Variants in NBAS observed in about 807,000 individuals in gnomAD.
NBAS encodes NBAS subunit of NRZ tethering complex.
In NBAS, 219 loss-of-function variants were observed where a neutral mutation model predicts 302.5. The ratio of observed to expected loss-of-function variants is 0.72; its 90% CI spans 0.65 to 0.81. NBAS has a LOEUF of 0.81. Among genes scored for constraint, NBAS ranks in the 30% least tolerant of loss-of-function variants. The probability of loss-of-function intolerance (pLI) is 0.00; values close to 1 mark genes in which losing one functional copy is unlikely to be tolerated. For missense variants in NBAS, 2,932 were observed against 2,841.6 expected (o/e 1.03, Z -0.72); for synonymous variants, 1,118 against 1,021.6 (o/e 1.09, Z -1.80).
the NBAS span, among the ~76,000 whole-genome samples, chr2:15,049,497 T>A: frequency 6.6e-6 from 1 of 152,128 alleles, no homozygotes; most frequent in Non-Finnish European, 1.5e-5. Flanking sequence ...TCTGAGCTCT[T>A]GATAGGGAGA....
chr2:15,486,267 A>G (rs1347240479), intron 12 of NBAS, among the ~76,000 whole-genome samples: 1 of 152,194 alleles, frequency 6.6e-6, no homozygotes, highest in Non-Finnish European at 1.5e-5. Context: ...CTATTTTTCC[A>G]GTTTACTCAG....
At chr2:14,869,758 A>G in the NBAS span, among the ~76,000 whole-genome samples, 1 of 152,072 alleles carries the variant, frequency 6.6e-6, no homozygotes, top group Non-Finnish European at 1.5e-5. Context: ...TCCATTTACC[A>G]CCAAAACTAG....
At chr2:14,806,419 T>C in the NBAS span, among the ~76,000 whole-genome samples, 3 of 152,234 alleles carry the variant, frequency 2.0e-5, no homozygotes, top group Non-Finnish European at 2.9e-5. Context: ...AATTTTTCAA[T>C]GTTTCTATCC....
At chr2:15,067,418 A>AGG in the NBAS span, among the ~76,000 whole-genome samples, 1 of 13,396 alleles carries the variant, frequency 7.5e-5, no homozygotes, top group African/African-American at 4.2e-4. Flanking sequence ...GGGAGGGGAG[A>AGG]GGAGGGGAGA....
chr2:15,150,902 AT>A, the NBAS span, among the ~76,000 whole-genome samples: 1 of 152,178 alleles, frequency 6.6e-6, no homozygotes, highest in South Asian at 2.1e-4. Context: ...TTACATTCAG[AT>A]TTCTTGTTTG....
chr2:14,799,848 G>T, the NBAS span, among the ~76,000 whole-genome samples: 1 of 152,088 alleles, frequency 6.6e-6, no homozygotes, highest in East Asian at 1.9e-4. Context: ...CTGAATTGTA[G>T]TTTGTCTGAT....
At chr2:15,149,271 C>A in the NBAS span, among the ~76,000 whole-genome samples, 1 of 152,216 alleles carries the variant, frequency 6.6e-6, no homozygotes, top group Non-Finnish European at 1.5e-5. Context: ...CGCTTTCCAC[C>A]ATAAAATGAC....
chr2:15,149,668 G>A, the NBAS span, among the ~76,000 whole-genome samples: 2 of 151,928 alleles, frequency 1.3e-5, no homozygotes, highest in African/African-American at 4.8e-5. Context: ...TGTATTTTTG[G>A]TAGAAACAGG....
At chr2:15,168,881 G>C (rs1664157684) in intron 51 of NBAS, among the ~76,000 whole-genome samples, 1 of 152,152 alleles carries the variant, frequency 6.6e-6, no homozygotes, top group Non-Finnish European at 1.5e-5. Flanking sequence ...CACTCACTTT[G>C]GCCTCCCAAA....
intron 23 of NBAS, among the ~76,000 whole-genome samples, 200 bp from the exon 24 acceptor site, chr2:15,417,912 TCAAA>T (rs1179594333): frequency 1.3e-5 from 2 of 152,122 alleles, no homozygotes; most frequent in Non-Finnish European, 2.9e-5. Flanking sequence ...TTCAAAGGAA[TCAAA>T]CAATCAGCAA....
rs115269744 is a variant in NBAS, at chr2:15,404,810, G to T, written c.2938-2509C>A. Among the ~76,000 whole-genome samples the T allele has an allele frequency of 5.0e-3, 758 of 152,112 alleles. 8 individuals are homozygous for T. Among genetic ancestry groups the T allele is most frequent in the African/African-American group, 0.018 (736 of 41,486 alleles). ...TTACAGGCATGAGCCACTGCGCCCGGCCCTAAAGAACCACTTTTACATTCA... is the reference window on the plus strand; with the variant it reads ...TTACAGGCATGAGCCACTGCGCCCGTCCCTAAAGAACCACTTTTACATTCA... On this transcript the variant is annotated intron_variant, in intron 25 of 51. Coordinates refer to ENST00000281513, the MANE Select transcript of NBAS (RefSeq NM_015909.4).
chr2:15,401,528 A>G (rs1248523850), intron 26 of NBAS, among the ~76,000 whole-genome samples: 1 of 152,096 alleles, frequency 6.6e-6, no homozygotes, highest in Admixed American at 6.6e-5. Flanking sequence ...TAAAAGTTTA[A>G]AACAGGTCTG....
At chr2:15,081,339 C>T in the NBAS span, among the ~76,000 whole-genome samples, 2 of 152,104 alleles carry the variant, frequency 1.3e-5, no homozygotes, top group African/African-American at 2.4e-5. Flanking sequence ...ATGCCCAAGA[C>T]GGTGTGCTCA....
chr2:14,968,380 A>G, the NBAS span, among the ~76,000 whole-genome samples: 1 of 152,172 alleles, frequency 6.6e-6, no homozygotes, highest in Admixed American at 6.5e-5. Flanking sequence ...CAACAACTTC[A>G]TATGCCCCTG....
chr2:15,308,562 C>T (rs1037638341), intron 39 of NBAS, among the ~76,000 whole-genome samples: 2 of 152,068 alleles, frequency 1.3e-5, no homozygotes, highest in African/African-American at 4.8e-5. Context: ...ATGTAAAGAT[C>T]GACATTTAAG....
At chr2:15,322,473 G>A (rs1671856680) in intron 38 of NBAS, among the ~76,000 whole-genome samples, 1 of 152,094 alleles carries the variant, frequency 6.6e-6, no homozygotes, top group African/African-American at 2.4e-5. Context: ...TGCAAAGTAA[G>A]TGCCTCTGGA....
Position 15,475,736 on chromosome 2 carries a change from G to A in NBAS, c.1292C>T (p.Pro431Leu), listed in dbSNP as rs1472039253. 1 of 1,614,092 alleles carries A rather than the reference G, an allele frequency of 6.2e-7. No homozygotes were observed. The highest frequency in any genetic ancestry group is 1.1e-5 in the South Asian group (1 of 91,072). The part of the protein sequence containing the change: ...LLGKSCEWFE[P>L]SPQVTATHDG... ...ATGGGTAGCAGTGACTTGAGGTGAT[G>A]GTTCAAACCATTCACAGGATTTTCC... The change falls in exon 14 of 52, where the codon CCA becomes CTA. Residue 431 changes from proline (P) to leucine (L), a missense_variant. Physicochemically the swap from Pro to Leu is moderately conservative, Grantham distance 98. Coordinates refer to ENST00000281513, the MANE Select transcript of NBAS (RefSeq NM_015909.4).
At chr2:14,848,488 C>T in the NBAS span, among the ~76,000 whole-genome samples, 8 of 143,956 alleles carry the variant, frequency 5.6e-5, no homozygotes, top group African/African-American at 1.1e-4. Context: ...AAGGCGGCAG[C>T]GAGGCTGGGG....
At chr2:15,220,140 C>T (rs574565531) in intron 47 of NBAS, among the ~76,000 whole-genome samples, 112 of 148,922 alleles carry the variant, frequency 7.5e-4, no homozygotes, top group African/African-American at 2.6e-3. Flanking sequence ...CTGACCCCCC[C>T]ACCTCCCTCC....
Sources: gnomAD v4.1 joint callset for allele counts (sites outside exome capture counted in the v4.1 genomes callset) on GRCh38, gnomAD v4.1.1 for gene constraint, MANE v1.5 for transcripts, NCBI Gene and HGNC (gene_info 2026-07-23, HGNC 2026-07-21) for gene names.